The following MOK variants were observed in gnomAD, a reference collection of about 807,000 sequenced individuals.
MOK encodes MAPK/MAK/MRK overlapping kinase.
MOK carries 59 observed loss-of-function variants against 54.2 expected under a neutral mutation model. The observed-to-expected ratio is 1.09, with a 90% CI of 0.88 to 1.35. MOK has a LOEUF of 1.35. MOK is among the 40% of genes most tolerant of loss of function. The probability of loss-of-function intolerance (pLI) is 0.00; values close to 1 mark genes in which losing one functional copy is unlikely to be tolerated. For missense variants in MOK, 517 were observed against 526.2 expected, an observed-to-expected ratio of 0.98 and a Z score of 0.17; for synonymous variants, 210 against 202.7, an observed-to-expected ratio of 1.04 and a Z score of -0.31.
Position 102,249,263 on chromosome 14 carries a change from G to A in MOK, c.590+1549C>T, listed in dbSNP as rs542571558. ...GAAATGTGACTAATTCACAGTAACC[G>A]TGATAAATAACCCCACAGTGAGCCT... On this transcript the variant is annotated intron_variant, in intron 7 of 11. Coordinates refer to ENST00000361847, the MANE Select transcript of MOK (RefSeq NM_014226.3). This position sits in a 1 kb window ranked among gnomAD's most constrained non-coding sequence, Gnocchi z 5.3. Among the ~76,000 whole-genome samples the A allele has an allele frequency of 4.6e-5, 7 of 152,316 alleles. No homozygotes were observed. The highest frequency in any genetic ancestry group is 1.3e-4 in the Admixed American group (2 of 15,304).
intron 1 of MOK, among the ~76,000 whole-genome samples, chr14:102,302,934 G>T (rs895582186): frequency 2.0e-5 from 3 of 151,350 alleles, no homozygotes; most frequent in Non-Finnish European, 1.5e-5. Context: ...GGCTGAGGCG[G>T]GTGGATCGCT....
intron 2 of MOK, among the ~76,000 whole-genome samples, chr14:102,279,319 G>A (rs932489231): frequency 3.4e-4 from 52 of 150,816 alleles, no homozygotes; most frequent in Non-Finnish European, 7.4e-5. Context: ...GTTTGAGACA[G>A]GGTCTTGCTC....
intron 4 of MOK, among the ~76,000 whole-genome samples, chr14:102,255,091 A>G (rs1050525165): frequency 1.3e-5 from 2 of 152,222 alleles, no homozygotes; most frequent in Non-Finnish European, 2.9e-5. Flanking sequence ...AGGCTGAGGC[A>G]GGCGGATCAC....
chr14:102,254,541 C>T (rs988608906), intron 4 of MOK, among the ~76,000 whole-genome samples: 1 of 152,170 alleles, frequency 6.6e-6, no homozygotes, highest in African/African-American at 2.4e-5. Flanking sequence ...GTCCTGTGAT[C>T]AAACCCAGTC....
chr14:102,241,854 G>A (rs942039425), intron 7 of MOK, among the ~76,000 whole-genome samples: 28 of 152,210 alleles, frequency 1.8e-4, no homozygotes, highest in African/African-American at 5.8e-4. Context: ...CGTCTGAACC[G>A]CAGTGGCCAG....
intron 1 of MOK, among the ~76,000 whole-genome samples, chr14:102,297,864 A>G (rs909930475): frequency 2.3e-4 from 35 of 152,180 alleles, no homozygotes; most frequent in African/African-American, 8.4e-4. Flanking sequence ...GATACCCTGC[A>G]GTGCCGGCCC....
rs548877762 is a variant in MOK at position 102,249,863 on chromosome 14, C to T, written c.590+949G>A. Among the ~76,000 whole-genome samples the T allele has an allele frequency of 1.3e-5, 2 of 152,200 alleles. No homozygotes were observed. Among genetic ancestry groups the T allele is most frequent in the South Asian group, 4.1e-4 (2 of 4,820 alleles). ...TGACTAAAGGAGAGAGGAGGAAATG[C>T]GGGTGAGCAGGAAACAGCTCCAAGT... On this transcript the variant is annotated intron_variant, in intron 7 of 11. Coordinates refer to ENST00000361847, the MANE Select transcript of MOK (RefSeq NM_014226.3). The surrounding 1 kb of genome is among the most constrained non-coding windows in gnomAD (Gnocchi z 5.3).
chr14:102,242,200 A>G (rs2065776515), intron 7 of MOK, among the ~76,000 whole-genome samples: 1 of 152,028 alleles, frequency 6.6e-6, no homozygotes, highest in Admixed American at 6.5e-5. Context: ...TTCTTAATCA[A>G]TACGGAGCTT....
chr14:102,294,201 C>G (rs1055305278), intron 1 of MOK, among the ~76,000 whole-genome samples: 1 of 151,564 alleles, frequency 6.6e-6, no homozygotes, highest in East Asian at 1.9e-4. Context: ...AATCCCAGCA[C>G]TTTGGGAGGC....
At chr14:102,229,737 T>G in intron 10 of MOK, 80 bp from the exon 11 acceptor site, 1 of 1,252,590 alleles carries the variant, frequency 8.0e-7, no homozygotes, top group Non-Finnish European at 1.1e-6. Flanking sequence ...GAGGCTCTTT[T>G]GTACTGCTTT....
In MOK at chr14:102,251,968, T is replaced by C; in HGVS notation, c.311A>G (p.Lys104Arg). 1 of 1,605,096 alleles carries C rather than the reference T, an allele frequency of 6.2e-7. No individual in the cohort carries two copies. The highest frequency in any genetic ancestry group is 8.5e-7 in the Non-Finnish European group (1 of 1,172,600). Residue 104 changes from lysine (K) to arginine (R), a missense_variant, in exon 5 of 12, where the codon AAA (lysine) becomes AGA (arginine). Transcript: ENST00000361847. ...TAACTGGTACATATAGTGCATAATT[T>C]TTTTTTCTGATAATGGGTATCTTCT... ...RGRRYPLSEK[K>R]IMHYMYQLCK...
rs141929767 is a variant in MOK at position 102,273,031 on chromosome 14, G to A, written c.123-7119C>T. Among the ~76,000 whole-genome samples, 1,202 of 152,130 alleles carry A rather than the reference G, an allele frequency of 7.9e-3. 17 individuals carry two copies. Among genetic ancestry groups the A allele is most frequent in the African/African-American group, 0.027 (1,123 of 41,500 alleles). The stretch of plus-strand genomic sequence containing the variant: ...CTTAAAATACAAAAATTCGCCAGGC[G>A]TGGTGGCGGGTGCCTGTAGTCCCAG... On this transcript the variant is annotated intron_variant, in intron 2 of 11. Transcript: ENST00000361847.
downstream of MOK, chr14:102,225,079 T>C (rs2064189526): frequency 3.2e-6 from 1 of 315,616 alleles, no homozygotes; most frequent in African/African-American, 2.2e-5. Context: ...ATTTTCTGTT[T>C]AAGACAGAGT....
chr14:102,300,273 G>A (rs527392294), intron 1 of MOK, among the ~76,000 whole-genome samples: 65 of 143,098 alleles, frequency 4.5e-4, no homozygotes, highest in African/African-American at 1.4e-3. Context: ...GCAGTGAGCC[G>A]AGATCGCGCC....
chr14:102,299,865 G>A (rs958868177), intron 1 of MOK, among the ~76,000 whole-genome samples: 2 of 152,142 alleles, frequency 1.3e-5, no homozygotes, highest in African/African-American at 2.4e-5. Flanking sequence ...TTACAGACAT[G>A]AGCCACCATG....
At chr14:102,251,600 T>A in intron 6 of MOK, 156 bp downstream of exon 6, 2 of 706,996 alleles carry the variant, frequency 2.8e-6, no homozygotes, top group Non-Finnish European at 5.1e-6. Flanking sequence ...AAATAAACCA[T>A]TTTTTACAAC....
rs71116891 is a variant in MOK, at chr14:102,261,254, C to CAAAAA, written c.283+2287_283+2291dup. Among the ~76,000 whole-genome samples the CAAAAA allele has an allele frequency of 3.4e-3, 295 of 86,824 alleles. 31 individuals carry two copies. The highest frequency in any genetic ancestry group is 0.013 in the African/African-American group (251 of 19,950). The allele number at this position is 86,824 out of a possible 152,430, so 57.0% of individuals were successfully genotyped here. On this transcript the variant is annotated intron_variant, in intron 4 of 11. Coordinates refer to ENST00000361847, the MANE Select transcript of MOK (RefSeq NM_014226.3). ...TGGCAACAGAGCGAGACTCTGCCTA[C>CAAAAA]AAAAAAAAAAAAAAATTAGCCAAGT...
At chr14:102,224,461 A>ATGTT (rs1343576083), downstream of MOK, 2 of 407,060 alleles carry the variant, frequency 4.9e-6, no homozygotes, top group South Asian at 3.7e-5. Flanking sequence ...AAGCAGAAGA[A>ATGTT]TGTTTATTTA....
downstream of MOK, among the ~76,000 whole-genome samples, chr14:102,220,444 C>T (rs188644166): frequency 2.2e-3 from 341 of 152,304 alleles, no homozygotes; most frequent in African/African-American, 7.9e-3. This position sits in a 1 kb window ranked among gnomAD's most constrained non-coding sequence, Gnocchi z 4.2. Context: ...TTAAAATTGG[C>T]CAGGTGCGGT....
Sources: allele counts gnomAD v4.1 joint callset (sites outside exome capture counted in the v4.1 genomes callset), GRCh38; gene constraint gnomAD v4.1.1; non-coding constraint Gnocchi (gnomAD v3.1); transcripts MANE v1.5; gene names NCBI Gene and HGNC (gene_info 2026-07-23, HGNC 2026-07-21).